Variants in LMNB2 observed in about 807,000 individuals in gnomAD.
LMNB2 encodes the protein lamin B2.
A neutral mutation model predicts 69.3 loss-of-function variants in LMNB2; 17 were observed. The ratio of observed to expected loss-of-function variants is 0.25; its 90% CI spans 0.17 to 0.37. The LOEUF (loss-of-function observed/expected upper bound fraction) is 0.37, where lower values mean the gene tolerates loss of function less well. Ranked by LOEUF, LMNB2 falls within the 10% of genes least tolerant of loss-of-function variation. LMNB2 has a pLI of 1.00. For synonymous variants in LMNB2, 397 were observed against 389.3 expected (o/e 1.02, Z -0.23); for missense variants, 789 against 883.6 (o/e 0.89, Z 1.36).
In LMNB2 at chr19:2,447,706, G is replaced by T. The variant is rs1470086300; in HGVS notation, c.265-3166C>A. Among the ~76,000 whole-genome samples the T allele has an allele frequency of 6.6e-6, 1 of 152,166 alleles. No homozygotes were observed. The highest frequency in any genetic ancestry group is 1.5e-5 in the Non-Finnish European group (1 of 68,010). On this transcript the variant is annotated intron_variant, in intron 1 of 11. Coordinates refer to ENST00000325327, the MANE Select transcript of LMNB2 (RefSeq NM_032737.4). This position sits in a 1 kb window ranked among gnomAD's most constrained non-coding sequence, Gnocchi z 4.4. ...GGGTGTCTATGCAAGGTGGGTACAGGGTCGGCCTGCATCTGGAGGGCCACA... is the reference window on the plus strand; with the variant it reads ...GGGTGTCTATGCAAGGTGGGTACAGTGTCGGCCTGCATCTGGAGGGCCACA...
chr19:2,440,187 T>C (rs1451341024), intron 2 of LMNB2, among the ~76,000 whole-genome samples: 1 of 151,348 alleles, frequency 6.6e-6, no homozygotes, highest in African/African-American at 2.4e-5. Context: ...TACAGATGGC[T>C]GTATCTTTTT....
chr19:2,450,131 T>TATAC (rs1237813208), intron 1 of LMNB2, among the ~76,000 whole-genome samples: 1 of 134,576 alleles, frequency 7.4e-6, no homozygotes, highest in African/African-American at 3.0e-5. Flanking sequence ...CATATATATA[T>TATAC]ATATTCCATT....
chr19:2,456,580 C>G (rs1972092945), intron 1 of LMNB2, 90 bp downstream of exon 1: 2 of 1,274,796 alleles, frequency 1.6e-6, no homozygotes, highest in African/African-American at 3.2e-5. Context: ...CCGTCTGCAC[C>G]CCCGCCCAGG....
Position 2,456,656 on chromosome 19 carries a change from G to T in LMNB2, c.264+14C>A. On this transcript the variant is annotated intron_variant, in intron 1 of 11. Transcript: ENST00000325327. ...GGCTGCACCCCCGCCCGGCCCCTAA[G>T]CCCCGGCGCCCACCTCGCGCGTGGT... is the stretch of plus-strand genomic sequence containing the variant. The T allele has an allele frequency of 2.0e-6, 3 of 1,505,016 alleles. No homozygotes were observed. Among genetic ancestry groups the T allele is most frequent in the Non-Finnish European group, 2.7e-6 (3 of 1,125,272 alleles). 93.2% of individuals were successfully genotyped at this position (1,505,016 alleles called of 1,614,324 possible).
At chr19:2,435,312 C>T in intron 4 of LMNB2, 141 bp from the exon 5 acceptor site, 2 of 1,234,112 alleles carry the variant, frequency 1.6e-6, no homozygotes, top group African/African-American at 1.5e-5. Flanking sequence ...GATACACGTG[C>T]AGGTGAGAGG....
At chr19:2,455,061 G>A (rs915703523) in intron 1 of LMNB2, among the ~76,000 whole-genome samples, 3 of 151,898 alleles carry the variant, frequency 2.0e-5, no homozygotes, top group African/African-American at 7.3e-5. Context: ...CTGACACCAG[G>A]GCACAAATAA....
At chr19:2,432,297 ACGGTG>A in intron 9 of LMNB2, 114 bp downstream of exon 9, 1 of 842,020 alleles carries the variant, frequency 1.2e-6, no homozygotes, top group Non-Finnish European at 2.0e-6. Context: ...CCGCTCTGAG[ACGGTG>A]CCTGGTGCCA....
rs1277947045 is a variant in LMNB2, at chr19:2,434,791, C to G, written c.978G>C (p.Lys326Asn). ...SLSYQLSGLQ[K>N]QASAAEDRIR... ...ACGGTGGCGCTGTGCTCATCACCTGCTTCTGGAGGCCGGAGAGCTGGTAGC... is the reference window on the plus strand; with the variant it reads ...ACGGTGGCGCTGTGCTCATCACCTGGTTCTGGAGGCCGGAGAGCTGGTAGC... The change falls in exon 6 of 12, where the codon AAG (lysine) becomes AAC (asparagine). Residue 326 changes from lysine (K) to asparagine (N), a missense_variant. By Grantham distance (94) the Lys-to-Asn change is moderately conservative. This residue lies in a region of LMNB2 where 609 missense variants were observed against 630.9 expected (regional missense o/e 0.97). Coordinates refer to ENST00000325327, the MANE Select transcript of LMNB2 (RefSeq NM_032737.4). 1 of 1,606,104 alleles carries G rather than the reference C, an allele frequency of 6.2e-7. No homozygotes were observed. Among genetic ancestry groups the G allele is most frequent in the Non-Finnish European group, 8.5e-7 (1 of 1,177,550 alleles).
chr19:2,452,677 G>C (rs955417490), intron 1 of LMNB2, among the ~76,000 whole-genome samples: 1 of 151,702 alleles, frequency 6.6e-6, no homozygotes, highest in Non-Finnish European at 1.5e-5. Flanking sequence ...AGTCAGCCGA[G>C]ATCACACCAC....
chr19:2,440,151 T>C (rs890722998), intron 2 of LMNB2, among the ~76,000 whole-genome samples: 1 of 151,918 alleles, frequency 6.6e-6, no homozygotes, highest in Non-Finnish European at 1.5e-5. Context: ...TTTATCTATA[T>C]AATCTATGTC....
chr19:2,453,906 C>T lies in LMNB2; in HGVS notation c.264+2764G>A, dbSNP rs981107632. Among the ~76,000 whole-genome samples, 11 of 152,290 alleles carry T rather than the reference C, an allele frequency of 7.2e-5. No individual in the cohort carries two copies. The highest frequency in any genetic ancestry group is 3.4e-3 in the Middle Eastern group (1 of 294). On this transcript the variant is annotated intron_variant, in intron 1 of 11. Coordinates refer to ENST00000325327, the MANE Select transcript of LMNB2 (RefSeq NM_032737.4). The surrounding 1 kb of genome is among the most constrained non-coding windows in gnomAD (Gnocchi z 4.4). ...CCCTGCACGCCACGGGTCCAGCAGG[C>T]GGCCTCTAAGTTGGGACAACTCCGC...
chr19:2,450,637 T>C (rs745395864), intron 1 of LMNB2, among the ~76,000 whole-genome samples: 2 of 151,016 alleles, frequency 1.3e-5, no homozygotes, highest in Non-Finnish European at 3.0e-5. Context: ...AATTGCACCA[T>C]TGCATTCCAG....
chr19:2,455,734 C>A (rs1040417508), intron 1 of LMNB2, among the ~76,000 whole-genome samples: 2 of 152,106 alleles, frequency 1.3e-5, no homozygotes, highest in Admixed American at 6.5e-5. Flanking sequence ...CCGGTCTGCA[C>A]CCCTCCCAAG....
At chr19:2,437,754 C>T (rs143822223) in intron 4 of LMNB2, among the ~76,000 whole-genome samples, 5,228 of 149,484 alleles carry the variant, frequency 0.035, 120 homozygotes, top group Non-Finnish European at 0.05. Context: ...GAGCCAAGAT[C>T]GTGCCACCGC....
At position 2,454,451 on chromosome 19, in the gene LMNB2, C is replaced by A. The variant is rs116322265; in HGVS notation, c.264+2219G>T. 1.8e-3 allele frequency among the ~76,000 whole-genome samples: 268 copies of A among 152,196 alleles called. 1 individual carries two copies. Among genetic ancestry groups the A allele is most frequent in the African/African-American group, 5.9e-3 (247 of 41,520 alleles). On this transcript the variant is annotated intron_variant, in intron 1 of 11. Transcript: ENST00000325327. ...AGGGAGCTACTGAACAAAAGTTAAC[C>A]TGCTGTGGCCCCACACACAAGTAAG...
chr19:2,444,593 C>T, intron 1 of LMNB2, 53 bp from the exon 2 acceptor site: 8 of 1,598,060 alleles, frequency 5.0e-6, no homozygotes, highest in Non-Finnish European at 6.8e-6. Flanking sequence ...CCTTGGACTA[C>T]AGCAGTCAGG....
At chr19:2,440,957 G>A (rs1393647059) in intron 2 of LMNB2, among the ~76,000 whole-genome samples, 1 of 152,200 alleles carries the variant, frequency 6.6e-6, no homozygotes, top group Non-Finnish European at 1.5e-5. Context: ...CCAGCTCACA[G>A]TGCCCTCCCT....
rs1024110451 is a variant in LMNB2 at position 2,453,146 on chromosome 19, C to G, written c.264+3524G>C. Among the ~76,000 whole-genome samples, 8 of 152,046 alleles carry G rather than the reference C, an allele frequency of 5.3e-5. No individual in the cohort carries two copies. Among genetic ancestry groups the G allele is most frequent in the African/African-American group, 1.9e-4 (8 of 41,390 alleles). On this transcript the variant is annotated intron_variant, in intron 1 of 11. Coordinates refer to ENST00000325327, the MANE Select transcript of LMNB2 (RefSeq NM_032737.4). The surrounding 1 kb of genome is among the most constrained non-coding windows in gnomAD (Gnocchi z 4.4). The stretch of plus-strand genomic sequence containing the variant: ...TCTCTTCTCGGGGCGCTGAGCAGTA[C>G]CCAGCCTCCACCCACGCTGTGCCGA...
Position 2,440,160 on chromosome 19 carries a change from T to C in LMNB2, c.402-1629A>G, listed in dbSNP as rs139144651. Among the ~76,000 whole-genome samples the C allele has an allele frequency of 3.7e-4, 56 of 151,746 alleles. 1 individual carries two copies. Among genetic ancestry groups the C allele is most frequent in the African/African-American group, 1.3e-3 (53 of 41,346 alleles). ...ACTGTATTTATCTATATAATCTATG[T>C]CCGTATATATCAATTCTACAGATGG... is the stretch of plus-strand genomic sequence containing the variant. On this transcript the variant is annotated intron_variant, in intron 2 of 11. Coordinates refer to ENST00000325327, the MANE Select transcript of LMNB2 (RefSeq NM_032737.4).
Sources: gnomAD v4.1 joint callset for allele counts (sites outside exome capture counted in the v4.1 genomes callset) on GRCh38, gnomAD v4.1.1 for gene constraint, gnomAD v4.1.1 regional missense constraint, Gnocchi (gnomAD v3.1) non-coding constraint, MANE v1.5 for transcripts, NCBI Gene and HGNC (gene_info 2026-07-23, HGNC 2026-07-21) for gene names.